The following ABCD2 variants were observed in gnomAD, a reference collection of about 807,000 sequenced individuals.
ABCD2 encodes ATP-binding cassette sub-family D member 2.
Under a neutral mutation model 70.9 loss-of-function variants are expected in ABCD2, and 36 were observed. The ratio of observed to expected loss-of-function variants is 0.51; its 90% CI spans 0.39 to 0.67. ABCD2 has a LOEUF of 0.67. Ranked by LOEUF, ABCD2 falls within the 30% of genes least tolerant of loss-of-function variation. The pLI is 0.00. For synonymous variants in ABCD2, 304 were observed against 306.9 expected (o/e 0.99, Z 0.10); for missense variants, 729 against 890.2 (o/e 0.82, Z 2.30).
chr12:39,614,485 C>T (rs537312574), intron 2 of ABCD2, among the ~76,000 whole-genome samples: 1 of 152,008 alleles, frequency 6.6e-6, no homozygotes, highest in Non-Finnish European at 1.5e-5. Flanking sequence ...TCATTTTATC[C>T]TCTTTTTCCC....
At chr12:39,533,652 G>T in the ABCD2 span, among the ~76,000 whole-genome samples, 2 of 151,938 alleles carry the variant, frequency 1.3e-5, no homozygotes, top group African/African-American at 4.8e-5. Flanking sequence ...CTGTGTTAGG[G>T]GTATATTCAA....
intron 9 of ABCD2, among the ~76,000 whole-genome samples, chr12:39,566,005 T>C (rs1231472692): frequency 6.6e-6 from 1 of 152,202 alleles, no homozygotes; most frequent in African/African-American, 2.4e-5. Context: ...GATAAGCTTT[T>C]TGATGTGCTG....
chr12:39,614,369 A>G (rs772228953), intron 2 of ABCD2, among the ~76,000 whole-genome samples: 26 of 152,216 alleles, frequency 1.7e-4, no homozygotes, highest in Non-Finnish European at 3.2e-4. Context: ...TTATCTCTAT[A>G]GTTAAGATAG....
intron 6 of ABCD2, among the ~76,000 whole-genome samples, chr12:39,590,505 G>T (rs1239718239): frequency 6.6e-6 from 1 of 151,746 alleles, no homozygotes; most frequent in Non-Finnish European, 1.5e-5. Context: ...TGTCACATGT[G>T]GATCATTTAA....
At chr12:39,600,406 T>C (rs1356433695) in intron 6 of ABCD2, among the ~76,000 whole-genome samples, 165 bp downstream of exon 6, 6 of 152,158 alleles carry the variant, frequency 3.9e-5, no homozygotes. Flanking sequence ...AGTATTACAA[T>C]CAAAGCAGTA....
chr12:39,535,803 A>G, the ABCD2 span, among the ~76,000 whole-genome samples: 2 of 152,194 alleles, frequency 1.3e-5, no homozygotes, highest in African/African-American at 4.8e-5. Context: ...AGTAGCCTTA[A>G]GTAAATACTA....
chr12:39,539,602 T>A, the ABCD2 span: 2 of 152,824 alleles, frequency 1.3e-5, no homozygotes, highest in East Asian at 3.8e-4. Flanking sequence ...CCAGAATGCC[T>A]AGGAGCAGGA....
At chr12:39,597,703 T>A (rs1941835810) in intron 6 of ABCD2, among the ~76,000 whole-genome samples, 1 of 152,240 alleles carries the variant, frequency 6.6e-6, no homozygotes, top group African/African-American at 2.4e-5. Flanking sequence ...ATACTAAGCA[T>A]TTTAACATCC....
chr12:39,619,454 T>C lies in ABCD2; in HGVS notation c.162A>G (p.Ala54=). 1 of 1,614,098 alleles carries C rather than the reference T, an allele frequency of 6.2e-7. No homozygotes were observed. Among genetic ancestry groups the C allele is most frequent in the Non-Finnish European group, 8.5e-7 (1 of 1,180,040 alleles). ...LKQSGHGKKK[A]AAYPAAENTE... ...TGTTCTCTGCAGCAGGGTAAGCTGCTGCTTTTTTCTTCCCGTGGCCAGATT... is the reference window on the plus strand; with the variant it reads ...TGTTCTCTGCAGCAGGGTAAGCTGCCGCTTTTTTCTTCCCGTGGCCAGATT... Residue 54 remains alanine (A), a synonymous_variant, in exon 1 of 10, where the codon GCA becomes GCG. Coordinates refer to ENST00000308666, the MANE Select transcript of ABCD2 (RefSeq NM_005164.4).
chr12:39,559,562 A>G (rs1941222973), intron 9 of ABCD2, among the ~76,000 whole-genome samples: 1 of 152,030 alleles, frequency 6.6e-6, no homozygotes, highest in African/African-American at 2.4e-5. Context: ...CAATCCAAAT[A>G]AGACTACCCG....
At chr12:39,544,138 G>C in the ABCD2 span, among the ~76,000 whole-genome samples, 2 of 152,150 alleles carry the variant, frequency 1.3e-5, no homozygotes, top group Non-Finnish European at 1.5e-5. Context: ...CTTGGTGGGT[G>C]GGGGGAAGCC....
At chr12:39,560,421 T>G (rs1354288027) in intron 9 of ABCD2, among the ~76,000 whole-genome samples, 2 of 152,182 alleles carry the variant, frequency 1.3e-5, no homozygotes, top group African/African-American at 4.8e-5. Context: ...TGATGGACAT[T>G]TGGGTTGGTT....
chr12:39,556,093 T>C (rs936296861), intron 9 of ABCD2, among the ~76,000 whole-genome samples: 2 of 152,162 alleles, frequency 1.3e-5, no homozygotes, highest in African/African-American at 4.8e-5. Flanking sequence ...CTATGCAAAC[T>C]GGAATAAATT....
chr12:39,570,354 AC>A (rs1376417954), intron 9 of ABCD2, among the ~76,000 whole-genome samples: 1 of 152,228 alleles, frequency 6.6e-6, no homozygotes, highest in Non-Finnish European at 1.5e-5. Context: ...AACTGTAGCA[AC>A]CCAAACAGCA....
intron 1 of ABCD2, 50 bp from the exon 2 acceptor site, chr12:39,617,218 T>A: frequency 8.0e-7 from 1 of 1,245,010 alleles, no homozygotes; most frequent in East Asian, 2.8e-5. Context: ...TATATACATA[T>A]TATTCTTTTT....
At chr12:39,591,330 T>A (rs1002501469) in intron 6 of ABCD2, among the ~76,000 whole-genome samples, 4 of 152,226 alleles carry the variant, frequency 2.6e-5, no homozygotes, top group African/African-American at 7.2e-5. Context: ...ACTGAAATTA[T>A]ATCTTTTGGA....
the ABCD2 span, among the ~76,000 whole-genome samples, chr12:39,543,123 G>GT: frequency 1.3e-5 from 2 of 152,160 alleles, no homozygotes; most frequent in African/African-American, 4.8e-5. Context: ...GATCAGTATA[G>GT]TTTTTGACTT....
intron 9 of ABCD2, among the ~76,000 whole-genome samples, chr12:39,570,683 T>C (rs1175433508): frequency 1.3e-5 from 2 of 151,994 alleles, no homozygotes; most frequent in Non-Finnish European, 2.9e-5. Flanking sequence ...GAAATGACAA[T>C]GAAATTTGGG....
At chr12:39,540,517 T>C in the ABCD2 span, among the ~76,000 whole-genome samples, 1 of 152,236 alleles carries the variant, frequency 6.6e-6, no homozygotes, top group Non-Finnish European at 1.5e-5. Context: ...TTTGCATCTG[T>C]AAAGAATCTC....
Sources: gnomAD v4.1 joint callset for allele counts (sites outside exome capture counted in the v4.1 genomes callset) on GRCh38, gnomAD v4.1.1 for gene constraint, MANE v1.5 for transcripts, NCBI Gene and HGNC (gene_info 2026-07-23, HGNC 2026-07-21) for gene names.